The following RASGRF1 variants were observed in gnomAD, a reference collection of about 807,000 sequenced individuals.
RASGRF1 encodes ras-specific guanine nucleotide-releasing factor 1.
A neutral mutation model predicts 138.7 loss-of-function variants in RASGRF1; 40 were observed. The ratio of observed to expected loss-of-function variants is 0.29; its 90% CI spans 0.22 to 0.38. RASGRF1 has a LOEUF of 0.38. RASGRF1 is among the 10% of genes least tolerant of loss of function. The pLI is 1.00. For synonymous variants in RASGRF1, 614 were observed against 663.2 expected, an observed-to-expected ratio of 0.93 and a Z score of 1.14; for missense variants, 1,108 against 1,650.4, an observed-to-expected ratio of 0.67 and a Z score of 5.69.
In RASGRF1 at chr15:79,049,622, C is replaced by T. The variant is rs535633728; in HGVS notation, c.532-34G>A. 74 of 1,582,034 alleles carry T rather than the reference C, an allele frequency of 4.7e-5. No individual in the cohort carries two copies. The East Asian group carries it at 9.1e-4, about 19-fold the overall frequency. Reference sequence around the variant, plus strand: ...GCAACACAGGTCAGCCTGTGAGGGGCGCTGGCTCACAGAGGCCCCAGGTCT... The same window carrying T: ...GCAACACAGGTCAGCCTGTGAGGGGTGCTGGCTCACAGAGGCCCCAGGTCT... On this transcript the variant is annotated intron_variant, in intron 3 of 26. Transcript: ENST00000558480.
chr15:79,012,735 T>G (rs953566383), intron 13 of RASGRF1, among the ~76,000 whole-genome samples: 6 of 152,192 alleles, frequency 3.9e-5, no homozygotes, highest in Admixed American at 3.3e-4. Context: ...CAGGCTGGAG[T>G]GCAGTGGTGA....
rs537460038 is a variant in RASGRF1 at position 79,041,146 on chromosome 15, T to G, written c.878+5600A>C. ...TGCGTGGCCTGAGAGCTTAGAATAATTTTTACATTTTTAAATGGTTGAAAA... is the reference window on the plus strand; with the variant it reads ...TGCGTGGCCTGAGAGCTTAGAATAAGTTTTACATTTTTAAATGGTTGAAAA... On this transcript the variant is annotated intron_variant, in intron 5 of 26. Coordinates refer to ENST00000558480, the MANE Select transcript of RASGRF1 (RefSeq NM_001145648.3). 2.6e-5 allele frequency among the ~76,000 whole-genome samples: 4 copies of G among 152,332 alleles called. No individual in the cohort carries two copies. The South Asian group carries it at 6.2e-4, about 24-fold the overall frequency.
chr15:79,018,583 G>GGA (rs1204832910), intron 11 of RASGRF1, among the ~76,000 whole-genome samples: 1 of 152,230 alleles, frequency 6.6e-6, no homozygotes, highest in Non-Finnish European at 1.5e-5. Context: ...AAAGCTCTAT[G>GGA]GCTGTGTGAT....
rs907626663 is a variant in RASGRF1, at chr15:79,046,165, G to A, written c.878+581C>T. ...CTTCTTTGTAAGACATGTGGGTAGC[G>A]TGGTCCACAGCAGAACTCTAAGGCA... On this transcript the variant is annotated intron_variant, in intron 5 of 26. Coordinates refer to ENST00000558480, the MANE Select transcript of RASGRF1 (RefSeq NM_001145648.3). This position sits in a 1 kb window ranked among gnomAD's most constrained non-coding sequence, Gnocchi z 5.3. 7.2e-5 allele frequency among the ~76,000 whole-genome samples: 11 copies of A among 152,152 alleles called. No individual in the cohort carries two copies. Among genetic ancestry groups the A allele is most frequent in the South Asian group, 2.1e-4 (1 of 4,826 alleles).
chr15:79,017,697 C>T, intron 12 of RASGRF1, 73 bp downstream of exon 12: 3 of 1,490,238 alleles, frequency 2.0e-6, no homozygotes, highest in Non-Finnish European at 2.7e-6. Flanking sequence ...CCCCTACCTG[C>T]CACCAGCCAA....
intron 11 of RASGRF1, among the ~76,000 whole-genome samples, chr15:79,018,465 A>G (rs909496030): frequency 2.0e-5 from 3 of 152,252 alleles, no homozygotes; most frequent in Non-Finnish European, 2.9e-5. Context: ...TTTATTTGGA[A>G]AAACTAAAAC....
At position 79,049,585 on chromosome 15, in the gene RASGRF1, T is replaced by C. The variant is rs1416897340; in HGVS notation, c.535A>G (p.Thr179Ala). 1.2e-6 allele frequency: 2 copies of C among 1,612,672 alleles called. No homozygotes were observed. Among genetic ancestry groups the C allele is most frequent in the East Asian group, 2.2e-5 (1 of 44,782 alleles). ...CGCTCATTGTCCTTGAGCAGGGATGTGATCTGCAACAGCAACACAGGTCAG... is the reference window on the plus strand; with the variant it reads ...CGCTCATTGTCCTTGAGCAGGGATGCGATCTGCAACAGCAACACAGGTCAG... ...IEIERLKAEITSLLKDNERIQ... is the reference protein window; with the variant it reads ...IEIERLKAEIASLLKDNERIQ... The change falls in exon 4 of 27, where the codon ACA becomes GCA. Residue 179 changes from threonine (T) to alanine (A), a missense_variant. By Grantham distance (58) the Thr-to-Ala change is moderately conservative. Around this residue, in one of 3 missense-constraint regions of RASGRF1, gnomAD observed 253 missense variants for 329.5 expected, o/e 0.77. Coordinates refer to ENST00000558480, the MANE Select transcript of RASGRF1 (RefSeq NM_001145648.3).
intron 24 of RASGRF1, among the ~76,000 whole-genome samples, chr15:78,979,948 G>A (rs2141620500): frequency 6.6e-6 from 1 of 152,352 alleles, no homozygotes; most frequent in Admixed American, 6.5e-5. Context: ...GTCACAACTT[G>A]GAGGGGTGCC....
intron 24 of RASGRF1, among the ~76,000 whole-genome samples, chr15:78,979,774 T>C (rs1326141141): frequency 2.0e-5 from 3 of 152,258 alleles, no homozygotes; most frequent in Non-Finnish European, 4.4e-5. Flanking sequence ...GCCACGGCCA[T>C]GTGGCCTTGG....
intron 2 of RASGRF1, among the ~76,000 whole-genome samples, chr15:79,062,211 T>C (rs1237584845): frequency 1.3e-5 from 2 of 152,256 alleles, no homozygotes; most frequent in East Asian, 3.8e-4. Flanking sequence ...ATAATACTTC[T>C]ACATTTACAA....
chr15:79,022,113 C>T (rs2056969283), intron 10 of RASGRF1, among the ~76,000 whole-genome samples: 1 of 152,152 alleles, frequency 6.6e-6, no homozygotes, highest in Middle Eastern at 3.2e-3. Flanking sequence ...ATTTCTGATT[C>T]CATGCTCTTT....
At chr15:79,042,189 G>A (rs2057305539) in intron 5 of RASGRF1, among the ~76,000 whole-genome samples, 2 of 152,224 alleles carry the variant, frequency 1.3e-5, no homozygotes, top group Non-Finnish European at 2.9e-5. Flanking sequence ...CAATGAATCT[G>A]CCAAGCTGGA....
chr15:78,974,054 G>C (rs2055825182), intron 24 of RASGRF1, among the ~76,000 whole-genome samples: 1 of 152,178 alleles, frequency 6.6e-6, no homozygotes, highest in South Asian at 2.1e-4. Context: ...TGACTCATGG[G>C]GGACTGCATC....
intron 5 of RASGRF1, among the ~76,000 whole-genome samples, chr15:79,045,530 C>A (rs571322231): frequency 1.9e-4 from 29 of 152,306 alleles, no homozygotes; most frequent in African/African-American, 7.0e-4. Context: ...CTCGAAAGGT[C>A]TCATGAGGCC....
Position 79,006,168 on chromosome 15 carries a change from G to C in RASGRF1, c.2075+18C>G, listed in dbSNP as rs1385878376. 2 of 1,613,728 alleles carry C rather than the reference G, an allele frequency of 1.2e-6. No homozygotes were observed. Among genetic ancestry groups the C allele is most frequent in the Non-Finnish European group, 8.5e-7 (1 of 1,179,676 alleles). On this transcript the variant is annotated intron_variant, in intron 14 of 26. Coordinates refer to ENST00000558480, the MANE Select transcript of RASGRF1 (RefSeq NM_001145648.3). This position sits in a 1 kb window ranked among gnomAD's most constrained non-coding sequence, Gnocchi z 4.0. ...TGGAAGCTCTCCGGGCATGGGAGGA[G>C]GAGGGCACCTCAGCCACCTGGCAGG...
chr15:79,055,666 AC>A (rs1014309930), intron 3 of RASGRF1, among the ~76,000 whole-genome samples: 3 of 151,372 alleles, frequency 2.0e-5, no homozygotes, highest in African/African-American at 7.3e-5. Context: ...TTGCACCTAC[AC>A]CCCTTCTCTG....
intron 26 of RASGRF1, among the ~76,000 whole-genome samples, chr15:78,968,572 C>A (rs1471358948): frequency 1.3e-4 from 20 of 151,970 alleles, no homozygotes; most frequent in Non-Finnish European, 2.8e-4. Flanking sequence ...GCATGAGCCA[C>A]TACTCCCAGC....
At chr15:79,024,384 A>C (rs1437867577) in intron 10 of RASGRF1, among the ~76,000 whole-genome samples, 1 of 151,846 alleles carries the variant, frequency 6.6e-6, no homozygotes, top group Non-Finnish European at 1.5e-5. Context: ...CACACTATAC[A>C]CAAATACACA....
intron 1 of RASGRF1, among the ~76,000 whole-genome samples, chr15:79,077,311 C>A (rs1386391772): frequency 6.6e-6 from 1 of 152,176 alleles, no homozygotes; most frequent in Non-Finnish European, 1.5e-5. Flanking sequence ...CTTCTGTGGA[C>A]AGTTTCCTCT....
Sources: gnomAD v4.1 joint callset for allele counts (sites outside exome capture counted in the v4.1 genomes callset) on GRCh38, gnomAD v4.1.1 for gene constraint, gnomAD v4.1.1 regional missense constraint, Gnocchi (gnomAD v3.1) non-coding constraint, MANE v1.5 for transcripts, NCBI Gene and HGNC (gene_info 2026-07-23, HGNC 2026-07-21) for gene names.